The following MTCH2 variants were observed in gnomAD, a reference collection of about 807,000 sequenced individuals.
The protein encoded by MTCH2 is mitochondrial carrier 2, also known as mitochondrial carrier homolog 2.
MTCH2 carries 25 observed loss-of-function variants against 50.6 expected under a neutral mutation model. The observed-to-expected ratio is 0.49, with a 90% confidence interval of 0.36 to 0.69. MTCH2 has a LOEUF of 0.69. MTCH2 is among the 30% of genes least tolerant of loss of function. The pLI is 0.00. For synonymous variants in MTCH2, 106 were observed against 132.0 expected (o/e 0.80, Z 1.35); for missense variants, 273 against 384.4 (o/e 0.71, Z 2.42).
chr11:47,626,810 A>C (rs893686129), intron 10 of MTCH2, among the ~76,000 whole-genome samples: 1 of 151,678 alleles, frequency 6.6e-6, no homozygotes, highest in Non-Finnish European at 1.5e-5. Context: ...ACGGGGATTC[A>C]TCATGTTGGC....
chr11:47,607,309 G>C, the MTCH2 span, among the ~76,000 whole-genome samples: 1 of 152,126 alleles, frequency 6.6e-6, no homozygotes, highest in African/African-American at 2.4e-5. Flanking sequence ...ACATGTTCTG[G>C]GTGAACTGTT....
At chr11:47,613,042 C>T (rs2153797520), downstream of MTCH2, among the ~76,000 whole-genome samples, 1 of 152,114 alleles carries the variant, frequency 6.6e-6, no homozygotes, top group South Asian at 2.1e-4. Flanking sequence ...GCTGGGACTA[C>T]AGATGTGTTC....
chr11:47,604,971 C>T, the MTCH2 span, among the ~76,000 whole-genome samples: 1 of 151,768 alleles, frequency 6.6e-6, no homozygotes, highest in Admixed American at 6.6e-5. Context: ...TGCTCTATCT[C>T]CCAGGCTGGA....
intron 2 of MTCH2, 43 bp from the exon 3 acceptor site, chr11:47,638,848 G>C (rs2097311366): frequency 6.4e-7 from 1 of 1,557,078 alleles, no homozygotes; most frequent in African/African-American, 1.6e-5. Context: ...CTGGTCAAGA[G>C]AAATGGATAT....
At chr11:47,611,866 AT>A in the MTCH2 span, among the ~76,000 whole-genome samples, 3 of 152,182 alleles carry the variant, frequency 2.0e-5, no homozygotes, top group African/African-American at 7.2e-5. Context: ...CAGACAAGAG[AT>A]TTGGTGCCCA....
chr11:47,615,022 C>T (rs2097287510), downstream of MTCH2, among the ~76,000 whole-genome samples: 1 of 142,806 alleles, frequency 7.0e-6, no homozygotes, highest in Non-Finnish European at 1.5e-5. Context: ...TCTATAAAGC[C>T]CAGTGAGGCT....
chr11:47,610,263 T>G, the MTCH2 span, among the ~76,000 whole-genome samples: 21 of 152,240 alleles, frequency 1.4e-4, no homozygotes, highest in Non-Finnish European at 2.6e-4. Context: ...CAATTCCACT[T>G]GCCTCCAAAT....
chr11:47,629,434 C>CT (rs1388467520), intron 8 of MTCH2: 1 of 217,440 alleles, frequency 4.6e-6, no homozygotes, highest in African/African-American at 2.3e-5. Context: ...TTTGGCAGAG[C>CT]AAAAGACGAG....
At chr11:47,620,645 C>G (rs2097292436) in intron 12 of MTCH2, among the ~76,000 whole-genome samples, 1 of 152,118 alleles carries the variant, frequency 6.6e-6, no homozygotes, top group Non-Finnish European at 1.5e-5. Context: ...CAGAGCTTGT[C>G]TCTAAAAAAT....
chr11:47,629,057 A>G lies in MTCH2; in HGVS notation c.540-11T>C, dbSNP rs2097300646. On this transcript the variant is annotated splice_polypyrimidine_tract_variant and intron_variant, in intron 8 of 12. Coordinates refer to ENST00000302503, the MANE Select transcript of MTCH2 (RefSeq NM_014342.4). Reference sequence around the variant, plus strand: ...CGAGGAACAAGACCCCTACATGAAGAAACAATAAAAATAAGAACCAAAAAA... The same window carrying G: ...CGAGGAACAAGACCCCTACATGAAGGAACAATAAAAATAAGAACCAAAAAA... 1.2e-6 allele frequency: 2 copies of G among 1,606,734 alleles called. No individual in the cohort carries two copies. The highest frequency in any genetic ancestry group is 3.4e-5 in the Admixed American group (2 of 59,264).
intron 1 of MTCH2, among the ~76,000 whole-genome samples, chr11:47,642,088 G>A (rs1480382172): frequency 6.6e-6 from 1 of 152,140 alleles, no homozygotes; most frequent in Admixed American, 6.5e-5. Flanking sequence ...CCACCTCAGT[G>A]ACGAAGAACC....
At chr11:47,637,279 T>C (rs1456357972) in intron 3 of MTCH2, among the ~76,000 whole-genome samples, 1 of 152,158 alleles carries the variant, frequency 6.6e-6, no homozygotes, top group Non-Finnish European at 1.5e-5. Flanking sequence ...CATGAGCCAC[T>C]GCGCCTGGCC....
rs1404811374 is a variant in MTCH2, at chr11:47,634,566, A to G, written c.369+106T>C. The G allele has an allele frequency of 3.6e-6, 3 of 833,586 alleles. No individual in the cohort carries two copies. In the East Asian group the frequency reaches 7.8e-5, roughly 22 times the overall value. 51.6% of individuals were successfully genotyped at this position (833,586 alleles called of 1,614,324 possible). ...CAAATTAATTTGAAGGTTTAATTTC[A>G]TTTGGGAACAGACACTGAACACACA... is the stretch of plus-strand genomic sequence containing the variant. On this transcript the variant is annotated intron_variant, in intron 5 of 12. Transcript: ENST00000302503.
At chr11:47,608,629 A>G in the MTCH2 span, among the ~76,000 whole-genome samples, 1 of 152,094 alleles carries the variant, frequency 6.6e-6, no homozygotes, top group Admixed American at 6.6e-5. Context: ...CTGGGGCTGC[A>G]TGTGGGCTTG....
intron 10 of MTCH2, among the ~76,000 whole-genome samples, chr11:47,626,414 T>C (rs1281811590): frequency 6.6e-6 from 1 of 151,016 alleles, no homozygotes; most frequent in Non-Finnish European, 1.5e-5. Context: ...CCTCAAGTGA[T>C]CCTCCTTCCT....
At chr11:47,615,150 A>G (rs2097287645), downstream of MTCH2, among the ~76,000 whole-genome samples, 1 of 140,798 alleles carries the variant, frequency 7.1e-6, no homozygotes, top group Non-Finnish European at 1.5e-5. Context: ...CAGTCGTCCC[A>G]CTTCAGCCTC....
Position 47,634,710 on chromosome 11 carries a change from T to C in MTCH2, c.331A>G (p.Lys111Glu), listed in dbSNP as rs761963845. 9 of 1,611,176 alleles carry C rather than the reference T, an allele frequency of 5.6e-6. No individual in the cohort carries two copies. The highest frequency in any genetic ancestry group is 7.6e-6 in the Non-Finnish European group (9 of 1,178,162). The change falls in exon 5 of 13, where the codon AAA becomes GAA. Residue 111 changes from lysine to glutamate, a missense_variant. This residue lies in a region of MTCH2 where 203 missense variants were observed against 244.3 expected (regional missense o/e 0.83). Coordinates refer to ENST00000302503, the MANE Select transcript of MTCH2 (RefSeq NM_014342.4). ...GEELGPGNVQ[K>E]EVSSSFDHVI... ...TGGTCAAAGGAAGATGAGACTTCTT[T>C]CTGTACATTTCCAGGTCCTAACTCC...
intron 5 of MTCH2, among the ~76,000 whole-genome samples, chr11:47,634,056 TACAA>T (rs2097306211): frequency 6.6e-6 from 1 of 152,062 alleles, no homozygotes; most frequent in South Asian, 2.1e-4. Context: ...CTATCCAACA[TACAA>T]AGGGCCTGGT....
At chr11:47,634,530 G>T in intron 5 of MTCH2, 142 bp downstream of exon 5, 1 of 600,872 alleles carries the variant, frequency 1.7e-6, no homozygotes, top group Non-Finnish European at 2.9e-6. Context: ...TGTTATACAT[G>T]TAGTAAAGCC....
Sources: gnomAD v4.1 joint callset for allele counts (sites outside exome capture counted in the v4.1 genomes callset) on GRCh38, gnomAD v4.1.1 for gene constraint, gnomAD v4.1.1 regional missense constraint, MANE v1.5 for transcripts, NCBI Gene and HGNC (gene_info 2026-07-23, HGNC 2026-07-21) for gene names.